SLC44A5: variants seen among roughly 807,000 people sequenced by gnomAD.
SLC44A5 encodes choline transporter-like protein 5.
In SLC44A5, 57 loss-of-function variants were observed where a neutral mutation model predicts 101.8. The observed-to-expected ratio is 0.56, with a 90% CI of 0.45 to 0.70. The LOEUF is 0.70. Ranked by LOEUF, SLC44A5 falls within the 30% of genes least tolerant of loss-of-function variation. The pLI is 0.00. For synonymous variants in SLC44A5, 281 were observed against 290.9 expected, an observed-to-expected ratio of 0.97 and a Z score of 0.35; for missense variants, 737 against 853.1, an observed-to-expected ratio of 0.86 and a Z score of 1.70.
chr1:75,707,680 G>A, the SLC44A5 span, among the ~76,000 whole-genome samples: 1 of 152,086 alleles, frequency 6.6e-6, no homozygotes, highest in African/African-American at 2.4e-5. Flanking sequence ...TAATTTCTAT[G>A]AAAACCCTAT....
At chr1:75,539,801 C>T (rs964024001) in intron 2 of SLC44A5, among the ~76,000 whole-genome samples, 4 of 152,034 alleles carry the variant, frequency 2.6e-5, no homozygotes, top group African/African-American at 7.2e-5. Context: ...AAAAAGTAGA[C>T]GTCACTGTGA....
intron 2 of SLC44A5, among the ~76,000 whole-genome samples, chr1:75,536,062 A>AT (rs1557883580): frequency 6.6e-6 from 1 of 151,800 alleles, no homozygotes; most frequent in African/African-American, 2.4e-5. Context: ...AAAAAAAAAA[A>AT]ATCCTTGAGA....
rs1217606788 is a variant in SLC44A5 at position 75,314,328 on chromosome 1, T to C, written c.102-13643A>G. On this transcript the variant is annotated intron_variant, in intron 4 of 23. Transcript: ENST00000370859. ...GGTACGGTAACAGAACGACCTGTAA[T>C]CCAATGCTATCTTGCATGGACAATA... 9.2e-5 allele frequency among the ~76,000 whole-genome samples: 14 copies of C among 152,180 alleles called. 1 individual carries two copies. Among genetic ancestry groups the C allele is most frequent in the Non-Finnish European group, 2.1e-4 (14 of 68,018 alleles).
At chr1:75,517,631 A>G (rs866847425) in intron 2 of SLC44A5, among the ~76,000 whole-genome samples, 1 of 152,244 alleles carries the variant, frequency 6.6e-6, no homozygotes, top group African/African-American at 2.4e-5. Context: ...ATCTGACTGC[A>G]TGCAACAGGA....
chr1:75,646,785 T>C, the SLC44A5 span, among the ~76,000 whole-genome samples: 1 of 152,192 alleles, frequency 6.6e-6, no homozygotes, highest in African/African-American at 2.4e-5. Context: ...GGCTGCATTT[T>C]GCCCATGCCC....
intron 4 of SLC44A5, among the ~76,000 whole-genome samples, chr1:75,303,444 C>T (rs1654661036): frequency 1.3e-5 from 2 of 152,178 alleles, no homozygotes; most frequent in South Asian, 2.1e-4. Flanking sequence ...CCATATTGGC[C>T]AGGCTGGTTT....
chr1:75,328,373 G>C (rs1350859092), intron 4 of SLC44A5, among the ~76,000 whole-genome samples: 1 of 152,122 alleles, frequency 6.6e-6, no homozygotes, highest in East Asian at 1.9e-4. Context: ...GATAATATTA[G>C]TTTCTCTAAA....
chr1:75,612,905 C>T (rs6671280), upstream of SLC44A5, among the ~76,000 whole-genome samples: 885 of 152,138 alleles, frequency 5.8e-3, 8 homozygotes, highest in African/African-American at 0.02. Flanking sequence ...AGCATTTTTT[C>T]GTTAAAAACA....
chr1:75,696,687 A>T, the SLC44A5 span, among the ~76,000 whole-genome samples: 8 of 152,134 alleles, frequency 5.3e-5, no homozygotes, highest in African/African-American at 1.9e-4. Context: ...CGAGGTCAGG[A>T]GATCGAGACC....
intron 2 of SLC44A5, among the ~76,000 whole-genome samples, chr1:75,429,982 T>G (rs1236803529): frequency 6.6e-6 from 1 of 152,170 alleles, no homozygotes; most frequent in African/African-American, 2.4e-5. Context: ...CTCATGGAGC[T>G]TGCTGTCTCA....
chr1:75,682,860 T>A, the SLC44A5 span, among the ~76,000 whole-genome samples: 32 of 151,492 alleles, frequency 2.1e-4, no homozygotes, highest in Admixed American at 1.1e-3. Flanking sequence ...TACTCATCTG[T>A]CAAAGGGCTA....
intron 2 of SLC44A5, among the ~76,000 whole-genome samples, chr1:75,502,181 C>T (rs1295684425): frequency 1.3e-5 from 2 of 152,180 alleles, no homozygotes; most frequent in African/African-American, 4.8e-5. Context: ...CTGTACTACA[C>T]ACACATGCAC....
In SLC44A5 at chr1:75,599,013, G is replaced by T. The variant is rs115333250; in HGVS notation, c.-70+12027C>A. ...TTCCACAGAAAACTCAGTTAATTAT[G>T]CCAGTTATGCTAAATTAATGCAATT... On this transcript the variant is annotated intron_variant, in intron 1 of 23. Transcript: ENST00000370859. 6.6e-3 allele frequency among the ~76,000 whole-genome samples: 1,004 copies of T among 152,172 alleles called. 16 individuals are homozygous for T. Among genetic ancestry groups the T allele is most frequent in the African/African-American group, 0.024 (978 of 41,520 alleles).
chr1:75,697,188 G>C, the SLC44A5 span, among the ~76,000 whole-genome samples: 3 of 152,178 alleles, frequency 2.0e-5, no homozygotes, highest in Admixed American at 6.5e-5. Context: ...TAAGAGGACT[G>C]CTTGAGGTCA....
chr1:75,723,419 G>C, the SLC44A5 span, among the ~76,000 whole-genome samples: 2 of 152,048 alleles, frequency 1.3e-5, no homozygotes, highest in South Asian at 2.1e-4. Flanking sequence ...GACAAACAAG[G>C]GGGTAGCTTG....
intron 3 of SLC44A5, among the ~76,000 whole-genome samples, chr1:75,368,174 TA>T (rs899599474): frequency 3.3e-5 from 5 of 152,050 alleles, no homozygotes; most frequent in South Asian, 2.1e-4. Context: ...AGCAACCAAT[TA>T]AAAAAACACT....
chr1:75,313,981 G>A lies in SLC44A5; in HGVS notation c.102-13296C>T, dbSNP rs1269934383. On this transcript the variant is annotated intron_variant, in intron 4 of 23. Coordinates refer to ENST00000370859, the MANE Select transcript of SLC44A5 (RefSeq NM_001130058.2). ...AATATAAAAGCAGATACATATCCTA[G>A]TGTAAAAGTAGTAGCTTATGTGCAT... Among the ~76,000 whole-genome samples, 6 of 152,276 alleles carry A rather than the reference G, an allele frequency of 3.9e-5. No individual in the cohort carries two copies. The East Asian group carries it at 9.6e-4, about 24-fold the overall frequency.
At chr1:75,354,327 G>T (rs1658907192) in intron 3 of SLC44A5, among the ~76,000 whole-genome samples, 1 of 152,164 alleles carries the variant, frequency 6.6e-6, no homozygotes, top group African/African-American at 2.4e-5. Context: ...TGGAATACTT[G>T]AATTAAAATA....
intron 2 of SLC44A5, among the ~76,000 whole-genome samples, chr1:75,517,357 CA>C (rs1229872691): frequency 6.6e-6 from 1 of 150,992 alleles, no homozygotes; most frequent in Non-Finnish European, 1.5e-5. Context: ...CACCAAGGCA[CA>C]ATAGATTGAA....
Sources: allele counts gnomAD v4.1 joint callset (sites outside exome capture counted in the v4.1 genomes callset), GRCh38; gene constraint gnomAD v4.1.1; transcripts MANE v1.5; gene names NCBI Gene and HGNC (gene_info 2026-07-23, HGNC 2026-07-21).